CNOT6: variants seen among roughly 807,000 people sequenced by gnomAD.
The protein encoded by CNOT6 is CCR4-NOT transcription complex subunit 6.
Under a neutral mutation model 61.2 loss-of-function variants are expected in CNOT6, and 12 were observed. The ratio of observed to expected loss-of-function variants is 0.20; its 90% CI spans 0.13 to 0.32. The LOEUF (loss-of-function observed/expected upper bound fraction) is 0.32. Ranked by LOEUF, CNOT6 falls within the 10% of genes least tolerant of loss-of-function variation. The pLI, the probability that CNOT6 is intolerant of heterozygous loss-of-function variation, is 1.00. For synonymous variants in CNOT6, 225 were observed against 240.6 expected (o/e 0.94, Z 0.60); for missense variants, 405 against 663.9 (o/e 0.61, Z 4.28).
intron 3 of CNOT6, among the ~76,000 whole-genome samples, chr5:180,553,014 A>G (rs1759700012): frequency 6.6e-6 from 1 of 151,602 alleles, no homozygotes; most frequent in Non-Finnish European, 1.5e-5. Flanking sequence ...CATGTGTACT[A>G]GACCAGTGAT....
intron 1 of CNOT6, among the ~76,000 whole-genome samples, chr5:180,495,934 C>G (rs1029216005): frequency 1.3e-5 from 2 of 152,156 alleles, no homozygotes; most frequent in African/African-American, 4.8e-5. Context: ...GTTTTTGAGA[C>G]AGGATCTCAC....
At chr5:180,562,541 C>A (rs527353469) in intron 4 of CNOT6, among the ~76,000 whole-genome samples, 1 of 152,206 alleles carries the variant, frequency 6.6e-6, no homozygotes, top group Admixed American at 6.5e-5. Context: ...GAGATTGAGA[C>A]CATCTTGGCT....
rs1008447294 is a variant in CNOT6 at position 180,576,688 on chromosome 5, A to G, written c.*2488A>G. 3 of 152,228 alleles carry G rather than the reference A, an allele frequency of 2.0e-5. No individual in the cohort carries two copies. Among genetic ancestry groups the G allele is most frequent in the Non-Finnish European group, 2.9e-5 (2 of 68,036 alleles). The allele number at this position is 152,228 out of a possible 1,614,324, so 9.4% of individuals were successfully genotyped here. A position where few individuals can be genotyped will look rare whatever the true frequency, so the allele number is the denominator to read the frequency against. The stretch of plus-strand genomic sequence containing the variant: ...AAGAACTATTTGGGGTCTGTAGGTA[A>G]TGAACAGTCACACCAAAATAGACTA... On this transcript the variant is annotated 3_prime_UTR_variant, in exon 12 of 12. Transcript: ENST00000261951.
chr5:180,499,180 G>C (rs1756754016), intron 1 of CNOT6, among the ~76,000 whole-genome samples: 1 of 152,196 alleles, frequency 6.6e-6, no homozygotes. Context: ...CTATAATACA[G>C]GGTCATTTAA....
intron 1 of CNOT6, among the ~76,000 whole-genome samples, chr5:180,523,278 T>A (rs770960022): frequency 8.5e-5 from 13 of 152,144 alleles, no homozygotes; most frequent in Non-Finnish European, 1.9e-4. Context: ...AGATGTTCAT[T>A]TTGAAGGTTA....
In CNOT6 at chr5:180,494,534, A is replaced by T. The variant is rs1223906573; in HGVS notation, c.-232A>T. On this transcript the variant is annotated 5_prime_UTR_variant, in exon 1 of 12. Coordinates refer to ENST00000261951, the MANE Select transcript of CNOT6 (RefSeq NM_001370472.1). ...GAGGAGGGCGAGGCCGGGGGCCGAGAGGGCGGGAGGGCGTAGTGGCGGCCC... is the reference window on the plus strand; with the variant it reads ...GAGGAGGGCGAGGCCGGGGGCCGAGTGGGCGGGAGGGCGTAGTGGCGGCCC... 3 of 145,780 alleles carry T rather than the reference A, an allele frequency of 2.1e-5. No individual in the cohort carries two copies. The highest frequency in any genetic ancestry group is 7.9e-5 in the African/African-American group (3 of 38,020). The allele number at this position is 145,780 out of a possible 1,614,324, so 9.0% of individuals were successfully genotyped here.
chr5:180,526,006 C>T (rs1433207023), intron 1 of CNOT6, among the ~76,000 whole-genome samples: 1 of 152,122 alleles, frequency 6.6e-6, no homozygotes, highest in Non-Finnish European at 1.5e-5. Flanking sequence ...GATCATGGCT[C>T]ACTGCAGCTT....
intron 9 of CNOT6, among the ~76,000 whole-genome samples, chr5:180,568,555 T>A (rs967310556): frequency 1.3e-5 from 2 of 150,822 alleles, no homozygotes; most frequent in East Asian, 1.9e-4. Context: ...CCTCAAAAAA[T>A]AAATAAATAA....
chr5:180,537,009 T>C (rs1207053847), intron 2 of CNOT6, among the ~76,000 whole-genome samples: 14 of 152,218 alleles, frequency 9.2e-5, no homozygotes, highest in African/African-American at 3.4e-4. Flanking sequence ...CTGAGTAATA[T>C]TCCATTGTCT....
At chr5:180,504,921 A>G (rs1757052689) in intron 1 of CNOT6, among the ~76,000 whole-genome samples, 1 of 151,312 alleles carries the variant, frequency 6.6e-6, no homozygotes, top group Non-Finnish European at 1.5e-5. Flanking sequence ...GATAGCTATA[A>G]CCCACATCAA....
intron 4 of CNOT6, among the ~76,000 whole-genome samples, chr5:180,558,451 G>T (rs72814971): frequency 0.019 from 2,861 of 150,916 alleles, 38 homozygotes; most frequent in Non-Finnish European, 0.027. Context: ...CCGCGGCCTG[G>T]TATCTAGTGC....
chr5:180,561,849 A>C (rs1188477144), intron 4 of CNOT6, among the ~76,000 whole-genome samples: 2 of 152,142 alleles, frequency 1.3e-5, no homozygotes, highest in African/African-American at 4.8e-5. Context: ...CTCCTCTGAC[A>C]CCACCTCAGA....
chr5:180,549,038 AAAGG>A lies in CNOT6; in HGVS notation c.113-892_113-889del, dbSNP rs1466979504. 7.1e-3 allele frequency among the ~76,000 whole-genome samples: 1,078 copies of A among 152,326 alleles called. 11 individuals are homozygous for A. The highest frequency in any genetic ancestry group is 0.025 in the African/African-American group (1,033 of 41,568). The stretch of plus-strand genomic sequence containing the variant: ...CTTATGCCTACTACTATTTGATTAT[AAAGG>A]TCTGACTTACTATCTGAAGCGTTTC... On this transcript the variant is annotated intron_variant, in intron 2 of 11. Coordinates refer to ENST00000261951, the MANE Select transcript of CNOT6 (RefSeq NM_001370472.1).
intron 1 of CNOT6, among the ~76,000 whole-genome samples, chr5:180,528,779 C>A (rs1758213026): frequency 6.6e-6 from 1 of 152,154 alleles, no homozygotes. Context: ...CTGTGTCCCC[C>A]ACAGCTGCTG....
chr5:180,500,814 T>A (rs777902245), intron 1 of CNOT6, among the ~76,000 whole-genome samples: 1 of 152,060 alleles, frequency 6.6e-6, no homozygotes, highest in Non-Finnish European at 1.5e-5. Flanking sequence ...ACTCATCGGG[T>A]TATACAGTAA....
At chr5:180,512,187 C>T (rs1757428136) in intron 1 of CNOT6, among the ~76,000 whole-genome samples, 1 of 152,210 alleles carries the variant, frequency 6.6e-6, no homozygotes, top group Non-Finnish European at 1.5e-5. Flanking sequence ...TTTAGTCTTG[C>T]TTTGTGTAAG....
At chr5:180,550,922 G>A (rs1367201518) in intron 3 of CNOT6, among the ~76,000 whole-genome samples, 1 of 152,132 alleles carries the variant, frequency 6.6e-6, no homozygotes, top group East Asian at 1.9e-4. Flanking sequence ...GTTCAGGTTG[G>A]AATCTTAACT....
Position 180,512,573 on chromosome 5 carries a change from A to G in CNOT6, c.-2-16702A>G, listed in dbSNP as rs577149275. ...GGACCAGAAATCATTACAGCTAAAC[A>G]TTCAAATTTTATTACTATTTTTATT... is the stretch of plus-strand genomic sequence containing the variant. On this transcript the variant is annotated intron_variant, in intron 1 of 11. Transcript: ENST00000261951. Among the ~76,000 whole-genome samples the G allele has an allele frequency of 9.8e-5, 15 of 152,310 alleles. No homozygotes were observed. In the East Asian group the frequency reaches 2.5e-3, roughly 25 times the overall value.
intron 1 of CNOT6, chr5:180,495,338 G>T (rs1756558110): frequency 6.6e-6 from 1 of 152,244 alleles, no homozygotes; most frequent in Non-Finnish European, 1.5e-5. Flanking sequence ...TTATAGTATT[G>T]CGAAGGATTC....
Sources: gnomAD v4.1 joint callset for allele counts (sites outside exome capture counted in the v4.1 genomes callset) on GRCh38, gnomAD v4.1.1 for gene constraint, MANE v1.5 for transcripts, NCBI Gene and HGNC (gene_info 2026-07-23, HGNC 2026-07-21) for gene names.